Variants in LAMA2 observed in about 807,000 individuals in gnomAD.
The protein encoded by LAMA2 is laminin subunit alpha-2.
A neutral mutation model predicts 364.8 loss-of-function variants in LAMA2; 269 were observed. The ratio of observed to expected loss-of-function variants is 0.74; its 90% CI spans 0.67 to 0.82. The LOEUF (loss-of-function observed/expected upper bound fraction) is 0.82. Ranked by LOEUF, LAMA2 falls within the 40% of genes least tolerant of loss-of-function variation. The pLI, the probability that LAMA2 is intolerant of heterozygous loss-of-function variation, is 0.00. For missense variants in LAMA2, 3,807 were observed against 3,873.2 expected, an observed-to-expected ratio of 0.98 and a Z score of 0.45; for synonymous variants, 1,379 against 1,370.6, an observed-to-expected ratio of 1.01 and a Z score of -0.14.
intron 1 of LAMA2, among the ~76,000 whole-genome samples, chr6:128,997,083 A>G (rs1481080190): frequency 6.7e-6 from 1 of 149,690 alleles, no homozygotes; most frequent in East Asian, 2.1e-4. Context: ...CAGTGAGAAC[A>G]TATGGACGGA....
At chr6:129,221,710 A>C (rs1186237599) in intron 12 of LAMA2, among the ~76,000 whole-genome samples, 1 of 152,080 alleles carries the variant, frequency 6.6e-6, no homozygotes, top group Non-Finnish European at 1.5e-5. Context: ...ATATTCACAC[A>C]CCCTATGACC....
intron 1 of LAMA2, among the ~76,000 whole-genome samples, chr6:128,998,621 C>CT (rs1784163705): frequency 2.7e-5 from 2 of 73,578 alleles, no homozygotes; most frequent in South Asian, 9.0e-4. Context: ...CTTTCCGAGT[C>CT]AAAGAAAGGG....
chr6:129,088,907 G>C (rs1181797239), intron 3 of LAMA2, among the ~76,000 whole-genome samples: 2 of 152,198 alleles, frequency 1.3e-5, no homozygotes, highest in Admixed American at 6.5e-5. Flanking sequence ...CTTCCCAGAC[G>C]GGGTGGCGGC....
At chr6:128,976,826 A>G (rs1367707154) in intron 1 of LAMA2, among the ~76,000 whole-genome samples, 1 of 152,198 alleles carries the variant, frequency 6.6e-6, no homozygotes, top group Non-Finnish European at 1.5e-5. Flanking sequence ...CTCCAAGTGT[A>G]GCAGGACCAT....
intron 1 of LAMA2, 149 bp from the exon 2 acceptor site, chr6:129,049,769 T>C (rs1787860096): frequency 2.8e-6 from 2 of 712,190 alleles, no homozygotes; most frequent in Admixed American, 2.0e-5. Context: ...TTATGTAGTA[T>C]ACTGAATTGT....
At chr6:129,389,917 G>A (rs1779226565) in intron 35 of LAMA2, among the ~76,000 whole-genome samples, 1 of 152,050 alleles carries the variant, frequency 6.6e-6, no homozygotes, top group Non-Finnish European at 1.5e-5. Context: ...TGGTCGGTGG[G>A]GGGACACAGA....
chr6:128,962,156 A>G lies in LAMA2; in HGVS notation c.112+78799A>G, dbSNP rs1236576018. ...CTCTGGACCATATATATATATATAT[A>G]TATATATATATATATATATATATAT... is the stretch of plus-strand genomic sequence containing the variant. On this transcript the variant is annotated intron_variant, in intron 1 of 64. Coordinates refer to ENST00000421865, the MANE Select transcript of LAMA2 (RefSeq NM_000426.4). 1.5e-3 allele frequency among the ~76,000 whole-genome samples: 151 copies of G among 102,234 alleles called. 7 individuals carry two copies. Among genetic ancestry groups the G allele is most frequent in the African/African-American group, 6.5e-3 (151 of 23,074 alleles). The allele number at this position is 102,234 out of a possible 152,430, so 67.1% of individuals were successfully genotyped here.
At chr6:129,358,387 T>C (rs1420824612) in intron 32 of LAMA2, among the ~76,000 whole-genome samples, 1 of 152,054 alleles carries the variant, frequency 6.6e-6, no homozygotes, top group Non-Finnish European at 1.5e-5. Context: ...GCCTTTGTTT[T>C]CAGCAAGTTT....
intron 1 of LAMA2, among the ~76,000 whole-genome samples, chr6:129,037,761 C>G (rs1047597240): frequency 1.3e-5 from 2 of 151,660 alleles, no homozygotes; most frequent in Non-Finnish European, 2.9e-5. Context: ...GCTCCGCCTC[C>G]CAGGTTCACG....
chr6:129,281,184 C>A (rs907183722), intron 18 of LAMA2, among the ~76,000 whole-genome samples: 4 of 152,138 alleles, frequency 2.6e-5, no homozygotes, highest in Middle Eastern at 3.4e-3. Context: ...CATTTATTTG[C>A]AATCAAGAAA....
At chr6:129,237,201 G>A (rs796477988) in intron 12 of LAMA2, among the ~76,000 whole-genome samples, 12 of 152,198 alleles carry the variant, frequency 7.9e-5, no homozygotes, top group African/African-American at 2.9e-4. Context: ...CTTAGCACTT[G>A]CAAAGCATAA....
chr6:129,424,635 A>G (rs540907825), intron 40 of LAMA2, among the ~76,000 whole-genome samples: 238 of 152,172 alleles, frequency 1.6e-3, no homozygotes, highest in Admixed American at 3.3e-3. Context: ...GTTATTAGTC[A>G]TAAGGAAAAC....
intron 1 of LAMA2, among the ~76,000 whole-genome samples, chr6:129,005,616 T>C (rs769202939): frequency 2.6e-5 from 4 of 151,744 alleles, no homozygotes; most frequent in Non-Finnish European, 5.9e-5. Flanking sequence ...TAAATTGATG[T>C]TGAGGGACTA....
intron 9 of LAMA2, among the ~76,000 whole-genome samples, chr6:129,167,502 T>C (rs1414244565): frequency 6.6e-6 from 1 of 152,128 alleles, no homozygotes; most frequent in African/African-American, 2.4e-5. Flanking sequence ...CATCATTTTT[T>C]ATGGCTGCAT....
At chr6:129,146,582 C>T (rs144024116) in intron 5 of LAMA2, among the ~76,000 whole-genome samples, 1 of 152,042 alleles carries the variant, frequency 6.6e-6, no homozygotes, top group South Asian at 2.1e-4. Context: ...ACTGCAGTTG[C>T]TATAATCACA....
chr6:129,464,313 G>A lies in LAMA2; in HGVS notation c.7016G>A (p.Gly2339Glu), dbSNP rs751193296. 8 of 1,612,026 alleles carry A rather than the reference G, an allele frequency of 5.0e-6. No individual in the cohort carries two copies. In the South Asian group the frequency reaches 6.6e-5, roughly 13 times the overall value. ...TVSPQVEDSE[G>E]TIQFDGEGYA... ...AGTCCTCAGGTGGAAGATAGTGAGG[G>A]GACTATTCAATTTGATGGAGAAGGT... The change falls in exon 50 of 65, where the codon GGG becomes GAG. Residue 2339 changes from glycine to glutamate, a missense_variant. This residue lies in a region of LAMA2 where 3,333 missense variants were observed against 3,345.7 expected (regional missense o/e 1.00). Transcript: ENST00000421865.
chr6:129,293,164 C>A, intron 20 of LAMA2: 2 of 814,166 alleles, frequency 2.5e-6, no homozygotes, highest in Non-Finnish European at 3.0e-6. Context: ...ATAACAGTTG[C>A]TAAGTGTGCA....
chr6:129,296,187 T>C (rs1009271988), intron 20 of LAMA2, among the ~76,000 whole-genome samples: 2 of 152,056 alleles, frequency 1.3e-5, no homozygotes, highest in Admixed American at 6.6e-5. Context: ...GTTAAGTGCC[T>C]GCATAGTTAT....
chr6:129,280,016 T>C (rs1163077608), intron 17 of LAMA2, 45 bp from the exon 18 acceptor site: 3 of 1,243,914 alleles, frequency 2.4e-6, no homozygotes, highest in East Asian at 2.3e-5. Flanking sequence ...ACTTTGTGTA[T>C]GTCCTTCTTC....
Sources: gnomAD v4.1 joint callset for allele counts (sites outside exome capture counted in the v4.1 genomes callset) on GRCh38, gnomAD v4.1.1 for gene constraint, gnomAD v4.1.1 regional missense constraint, MANE v1.5 for transcripts, NCBI Gene and HGNC (gene_info 2026-07-23, HGNC 2026-07-21) for gene names.